Variants in LRPPRC observed in about 807,000 individuals in gnomAD.
LRPPRC encodes the protein leucine-rich PPR motif-containing protein, mitochondrial.
Under a neutral mutation model 180.3 loss-of-function variants are expected in LRPPRC, and 120 were observed. The observed-to-expected ratio is 0.67, with a 90% confidence interval of 0.57 to 0.77. The LOEUF (loss-of-function observed/expected upper bound fraction) is 0.77. LRPPRC is among the 30% of genes least tolerant of loss of function. The pLI, the probability that LRPPRC is intolerant of heterozygous loss-of-function variation, is 0.00. For synonymous variants in LRPPRC, 723 were observed against 600.0 expected (o/e 1.21, Z -3.00); for missense variants, 2,012 against 1,657.2 (o/e 1.21, Z -3.72).
chr2:43,974,878 T>C (rs1281734713), intron 7 of LRPPRC, 120 bp from the exon 8 acceptor site: 1 of 1,100,650 alleles, frequency 9.1e-7, no homozygotes, highest in Non-Finnish European at 1.4e-6. Context: ...GGTTTACGAC[T>C]TCTTTTAAAA....
At chr2:43,994,006 G>A (rs565745706) in intron 1 of LRPPRC, among the ~76,000 whole-genome samples, 3 of 152,082 alleles carry the variant, frequency 2.0e-5, no homozygotes, top group East Asian at 3.9e-4. Context: ...GATGAACACC[G>A]AGACCACCCT....
rs554786615 is a variant in LRPPRC, at chr2:43,976,084, C to T, written c.737+59G>A. On this transcript the variant is annotated intron_variant, in intron 6 of 37. Coordinates refer to ENST00000260665, the MANE Select transcript of LRPPRC (RefSeq NM_133259.4). Reference sequence around the variant, plus strand: ...AACAAACAAAAAAGGAGTAAAATGACCACTTTAGCATCTCAGCCATCTATC... The same window carrying T: ...AACAAACAAAAAAGGAGTAAAATGATCACTTTAGCATCTCAGCCATCTATC... The T allele has an allele frequency of 9.8e-5, 94 of 962,742 alleles. 1 individual carries two copies. The East Asian group carries it at 2.1e-3, about 22-fold the overall frequency. The allele number at this position is 962,742 out of a possible 1,614,324, so 59.6% of individuals were successfully genotyped here. A position where few individuals can be genotyped will look rare whatever the true frequency, so the allele number is the denominator to read the frequency against.
chr2:43,932,551 T>C (rs62135061), intron 25 of LRPPRC, among the ~76,000 whole-genome samples: 30,932 of 152,120 alleles, frequency 0.2, 3,882 homozygotes, highest in African/African-American at 0.35. Context: ...CTCTAAGTAA[T>C]TAAGAGGCAG....
At chr2:43,995,240 G>A (rs1674978716) in intron 1 of LRPPRC, among the ~76,000 whole-genome samples, 1 of 152,154 alleles carries the variant, frequency 6.6e-6, no homozygotes, top group Non-Finnish European at 1.5e-5. Flanking sequence ...CTTCTTAAAT[G>A]CTGAAGGAAA....
intron 23 of LRPPRC, among the ~76,000 whole-genome samples, chr2:43,938,712 T>C (rs1572943568): frequency 6.6e-6 from 1 of 152,318 alleles, no homozygotes; most frequent in East Asian, 1.9e-4. Flanking sequence ...CCATGTAGCA[T>C]GTAAGTTTGC....
intron 5 of LRPPRC, 149 bp from the exon 6 acceptor site, chr2:43,976,378 C>T (rs1194064564): frequency 1.6e-6 from 1 of 630,018 alleles, no homozygotes; most frequent in Non-Finnish European, 2.8e-6. Flanking sequence ...AGAACTAATC[C>T]CTTTGATCCC....
chr2:43,950,335 G>A (rs1354853894), intron 15 of LRPPRC, among the ~76,000 whole-genome samples: 1 of 152,004 alleles, frequency 6.6e-6, no homozygotes, highest in Non-Finnish European at 1.5e-5. Context: ...CAGGTATTAA[G>A]CCCAGCATCC....
chr2:43,976,122 A>G, intron 6 of LRPPRC, 21 bp downstream of exon 6: 1 of 1,521,430 alleles, frequency 6.6e-7, no homozygotes, highest in African/African-American at 1.4e-5. Context: ...TTAAGAACCA[A>G]AACCTTAGGT....
chr2:43,973,922 A>C (rs372987082), intron 9 of LRPPRC, 22 bp from the exon 10 acceptor site: 88 of 1,402,924 alleles, frequency 6.3e-5, no homozygotes, highest in Non-Finnish European at 8.0e-5. Flanking sequence ...AAGTCACCAC[A>C]TTAGCTGGAT....
intron 14 of LRPPRC, among the ~76,000 whole-genome samples, chr2:43,951,865 A>G (rs1377258620): frequency 6.6e-6 from 1 of 152,190 alleles, no homozygotes; most frequent in Non-Finnish European, 1.5e-5. Context: ...CTTTAACCAT[A>G]TATTTTTATC....
chr2:43,888,716 C>T, intron 37 of LRPPRC, 60 bp from the exon 38 acceptor site: 1 of 917,404 alleles, frequency 1.1e-6, no homozygotes, highest in Middle Eastern at 2.1e-4. Flanking sequence ...TGGTACATAA[C>T]TTAAAAAATC....
At chr2:43,925,290 G>T in intron 26 of LRPPRC, 133 bp from the exon 27 acceptor site, 1 of 713,808 alleles carries the variant, frequency 1.4e-6, no homozygotes, top group Non-Finnish European at 2.6e-6. Context: ...AAAGTTAATG[G>T]GCTGAGCACA....
At chr2:43,995,400 G>C (rs1674996186) in intron 1 of LRPPRC, among the ~76,000 whole-genome samples, 2 of 152,188 alleles carry the variant, frequency 1.3e-5, no homozygotes, top group Non-Finnish European at 2.9e-5. Context: ...TAAATGCTAG[G>C]TGGTTACTGA....
chr2:43,975,247 A>C, intron 6 of LRPPRC, 30 bp from the exon 7 acceptor site: 1 of 1,599,152 alleles, frequency 6.3e-7, no homozygotes, highest in Non-Finnish European at 8.5e-7. Flanking sequence ...ACAGATTATT[A>C]TGCTTTTGCC....
chr2:43,982,582 G>GA, intron 1 of LRPPRC, 148 bp from the exon 2 acceptor site: 1 of 645,256 alleles, frequency 1.5e-6, no homozygotes, highest in Non-Finnish European at 2.7e-6. Flanking sequence ...TAATGGGAAA[G>GA]AAAGTTTTAG....
chr2:43,957,372 T>G lies in LRPPRC; in HGVS notation c.1649+13A>C, dbSNP rs763339174. ...CATGTTCAGGCAAGGAACATTTAAG[T>G]TGATCATCTTACCTCCTGAAGCCTA... is the stretch of plus-strand genomic sequence containing the variant. On this transcript the variant is annotated intron_variant, in intron 14 of 37. Coordinates refer to ENST00000260665, the MANE Select transcript of LRPPRC (RefSeq NM_133259.4). The G allele has an allele frequency of 1.3e-6, 2 of 1,594,866 alleles. No homozygotes were observed. Among genetic ancestry groups the G allele is most frequent in the Non-Finnish European group, 1.7e-6 (2 of 1,162,498 alleles).
At chr2:43,911,603 C>T (rs765181952) in intron 30 of LRPPRC, among the ~76,000 whole-genome samples, 3 of 143,506 alleles carry the variant, frequency 2.1e-5, no homozygotes, top group African/African-American at 5.2e-5. Flanking sequence ...CTCAGCTCAA[C>T]GCAACCTCCA....
At position 43,949,630 on chromosome 2, in the gene LRPPRC, A is replaced by C; in HGVS notation, c.1707T>G (p.Arg569=). Residue 569 remains arginine, a synonymous_variant, in exon 16 of 38, where the codon CGT becomes CGG. Transcript: ENST00000260665. ...TCGGTCCTCGAGGCTCCTGGCAATAACGTCCATCCTTGTACAACAATTCTG... is the reference window on the plus strand; with the variant it reads ...TCGGTCCTCGAGGCTCCTGGCAATACCGTCCATCCTTGTACAACAATTCTG... ...EITELLYKDG[R]YCQEPRGPTE... 1 of 1,614,040 alleles carries C rather than the reference A, an allele frequency of 6.2e-7. No individual in the cohort carries two copies. The highest frequency in any genetic ancestry group is 8.5e-7 in the Non-Finnish European group (1 of 1,179,924).
At chr2:43,896,518 ATC>A (rs1373364601) in intron 35 of LRPPRC, 114 bp downstream of exon 35, 2 of 701,772 alleles carry the variant, frequency 2.8e-6, no homozygotes, top group East Asian at 5.7e-5. Flanking sequence ...AAAGTCTTGA[ATC>A]TCTATAGTAT....
Sources: gnomAD v4.1 joint callset for allele counts (sites outside exome capture counted in the v4.1 genomes callset) on GRCh38, gnomAD v4.1.1 for gene constraint, MANE v1.5 for transcripts, NCBI Gene and HGNC (gene_info 2026-07-23, HGNC 2026-07-21) for gene names.